Variants in ANO3 observed in about 807,000 individuals in gnomAD.
ANO3 encodes anoctamin-3.
ANO3 carries 99 observed loss-of-function variants against 144.8 expected under a neutral mutation model. The observed-to-expected ratio is 0.68, with a 90% confidence interval of 0.58 to 0.81. The LOEUF is 0.81. ANO3 is among the 30% of genes least tolerant of loss of function. ANO3 has a pLI of 0.00. For synonymous variants in ANO3, 414 were observed against 392.6 expected (o/e 1.05, Z -0.64); for missense variants, 905 against 1,202.2 (o/e 0.75, Z 3.66).
At chr11:26,298,800 T>C (rs904572907) in intron 1 of ANO3, among the ~76,000 whole-genome samples, 11 of 152,152 alleles carry the variant, frequency 7.2e-5, no homozygotes, top group African/African-American at 2.7e-4. Flanking sequence ...GAAAGTAGAA[T>C]GAATGAGTGT....
chr11:26,594,928 C>G (rs755943678), intron 14 of ANO3, among the ~76,000 whole-genome samples: 1 of 152,094 alleles, frequency 6.6e-6, no homozygotes, highest in Non-Finnish European at 1.5e-5. Context: ...TATATTGTGG[C>G]CTGGCGGGAC....
intron 14 of ANO3, among the ~76,000 whole-genome samples, chr11:26,567,579 C>A (rs1249124264): frequency 6.6e-6 from 1 of 151,986 alleles, no homozygotes; most frequent in Non-Finnish European, 1.5e-5. Flanking sequence ...TGTTAGTTAT[C>A]TTCAAAATCT....
At chr11:26,283,629 T>C in intron 1 of ANO3, among the ~76,000 whole-genome samples, 1 of 152,086 alleles carries the variant, frequency 6.6e-6, no homozygotes, top group Admixed American at 6.6e-5. Context: ...AGTAAGTACC[T>C]ACTCAGGCAA....
chr11:26,275,010 G>T (rs1396383578), intron 1 of ANO3, among the ~76,000 whole-genome samples: 1 of 151,734 alleles, frequency 6.6e-6, no homozygotes, highest in Admixed American at 6.6e-5. Context: ...AAATTTAAAA[G>T]GTTACCTCAA....
In ANO3 at chr11:26,476,346, A is replaced by C. The variant is rs149121746; in HGVS notation, c.432+13198A>C. Among the ~76,000 whole-genome samples the C allele has an allele frequency of 5.3e-5, 8 of 152,224 alleles. No individual in the cohort carries two copies. The East Asian group carries it at 1.4e-3, about 26-fold the overall frequency. On this transcript the variant is annotated intron_variant, in intron 4 of 26. Coordinates refer to ENST00000256737, the MANE Select transcript of ANO3 (RefSeq NM_031418.4). The stretch of plus-strand genomic sequence containing the variant: ...CAGCTTCTCAGAAGGTATTAAGAGC[A>C]AGAAATGAAAGATGAGAAGTCAACA...
At chr11:26,302,418 C>T (rs1186128548) in intron 1 of ANO3, among the ~76,000 whole-genome samples, 1 of 152,224 alleles carries the variant, frequency 6.6e-6, no homozygotes, top group East Asian at 1.9e-4. Flanking sequence ...TCGCTTGAAC[C>T]TGGGAGGCAG....
intron 1 of ANO3, among the ~76,000 whole-genome samples, chr11:26,316,738 G>T (rs1854634653): frequency 6.6e-6 from 1 of 152,114 alleles, no homozygotes; most frequent in South Asian, 2.1e-4. Flanking sequence ...CTCCACAAGG[G>T]TCGCATTCCA....
chr11:26,445,437 A>G (rs1477885364), intron 3 of ANO3, among the ~76,000 whole-genome samples: 1 of 152,170 alleles, frequency 6.6e-6, no homozygotes, highest in Non-Finnish European at 1.5e-5. Context: ...TGCCATTCCA[A>G]ATATTAAAAA....
At chr11:26,576,785 G>C (rs1456477007) in intron 14 of ANO3, among the ~76,000 whole-genome samples, 1 of 152,094 alleles carries the variant, frequency 6.6e-6, no homozygotes, top group Non-Finnish European at 1.5e-5. Context: ...TTTCTGCATT[G>C]CTTTATCCAC....
At chr11:26,543,470 T>TA (rs34272283) in intron 11 of ANO3, among the ~76,000 whole-genome samples, 100,291 of 151,852 alleles carry the variant, frequency 0.66, 33,381 homozygotes, top group East Asian at 0.83. Context: ...TCTTTTTTTT[T>TA]AATTATATTT....
intron 1 of ANO3, among the ~76,000 whole-genome samples, chr11:26,227,182 T>C (rs1384779578): frequency 6.6e-6 from 1 of 152,202 alleles, no homozygotes; most frequent in Non-Finnish European, 1.5e-5. Flanking sequence ...ACATTTTGTT[T>C]ATCCTTTCAC....
intron 1 of ANO3, among the ~76,000 whole-genome samples, chr11:26,386,467 A>G (rs1856735994): frequency 6.6e-6 from 1 of 152,188 alleles, no homozygotes. Context: ...TTATCTCTCG[A>G]CAAAAGACTA....
intron 18 of ANO3, 38 bp downstream of exon 18, chr11:26,624,536 A>G (rs1024006311): frequency 2.8e-6 from 4 of 1,454,042 alleles, no homozygotes; most frequent in Non-Finnish European, 3.9e-6. Flanking sequence ...TTAGTCAGAA[A>G]ATAACATATG....
intron 14 of ANO3, among the ~76,000 whole-genome samples, chr11:26,576,864 A>G (rs956945621): frequency 6.6e-6 from 1 of 152,244 alleles, no homozygotes; most frequent in African/African-American, 2.4e-5. Flanking sequence ...TAAATGAGTG[A>G]ATTGATAAAA....
rs534922337 is a variant in ANO3, at chr11:26,511,141, G to A, written c.591+2879G>A. 1.3e-4 allele frequency among the ~76,000 whole-genome samples: 20 copies of A among 152,272 alleles called. No homozygotes were observed. In the South Asian group the frequency reaches 2.5e-3, roughly 19 times the overall value. ...CAATTGCATGTTGTTGGAACCAGTC[G>A]TCCCTGCAAACTGCTACCATTGTGT... On this transcript the variant is annotated intron_variant, in intron 5 of 26. Coordinates refer to ENST00000256737, the MANE Select transcript of ANO3 (RefSeq NM_031418.4).
chr11:26,482,424 ATATGTGTGTGTGTGTGTG>A (rs1485873147), intron 4 of ANO3, among the ~76,000 whole-genome samples: 38 of 109,810 alleles, frequency 3.5e-4, no homozygotes, highest in African/African-American at 1.4e-3. Context: ...GAACACAGAT[ATATGTGTGTGTGTGTGTG>A]TGTGTGTGTG....
At chr11:26,613,634 G>A (rs58631362) in intron 17 of ANO3, among the ~76,000 whole-genome samples, 1 of 152,052 alleles carries the variant, frequency 6.6e-6, no homozygotes. Context: ...TTATAGGATA[G>A]CATTTGTAGG....
intron 14 of ANO3, among the ~76,000 whole-genome samples, chr11:26,583,318 A>T (rs1380050309): frequency 1.3e-5 from 2 of 152,222 alleles, no homozygotes; most frequent in East Asian, 3.8e-4. Flanking sequence ...TAGGCTTCAA[A>T]TGCTGGCTTT....
intron 1 of ANO3, among the ~76,000 whole-genome samples, chr11:26,302,710 T>A (rs1017543316): frequency 6.6e-6 from 1 of 152,226 alleles, no homozygotes; most frequent in Non-Finnish European, 1.5e-5. Context: ...TTATATCTTA[T>A]TATTTGAAAA....
Sources: gnomAD v4.1 joint callset for allele counts (sites outside exome capture counted in the v4.1 genomes callset) on GRCh38, gnomAD v4.1.1 for gene constraint, MANE v1.5 for transcripts, NCBI Gene and HGNC (gene_info 2026-07-23, HGNC 2026-07-21) for gene names.